MUC13: variants seen among roughly 807,000 people sequenced by gnomAD.
The protein encoded by MUC13 is mucin 13, cell surface associated.
MUC13 carries 32 observed loss-of-function variants against 48.3 expected under a neutral mutation model. The observed-to-expected ratio is 0.66, with a 90% CI of 0.50 to 0.89. The LOEUF is 0.89. Among genes scored for constraint, MUC13 ranks in the 40% least tolerant of loss-of-function variants. The pLI is 0.00. For missense variants in MUC13, 571 were observed against 622.8 expected, an observed-to-expected ratio of 0.92 and a Z score of 0.88; for synonymous variants, 199 against 224.9, an observed-to-expected ratio of 0.88 and a Z score of 1.03.
At chr3:124,929,124 G>C (rs1935748045) in intron 1 of MUC13, among the ~76,000 whole-genome samples, 1 of 151,874 alleles carries the variant, frequency 6.6e-6, no homozygotes, top group Admixed American at 6.6e-5. Context: ...TGGACACATG[G>C]AGTAGTAAAC....
At chr3:124,907,528 G>A (rs1449681680) in intron 11 of MUC13, among the ~76,000 whole-genome samples, 1 of 152,154 alleles carries the variant, frequency 6.6e-6, no homozygotes, top group Non-Finnish European at 1.5e-5. Context: ...TGAGGTAGGA[G>A]GATCACTTAA....
chr3:124,928,091 T>TC lies in MUC13; in HGVS notation c.53-99_53-98insG, dbSNP rs1052857554. On this transcript the variant is annotated intron_variant, in intron 1 of 11. Coordinates refer to ENST00000616727, the MANE Select transcript of MUC13 (RefSeq NM_033049.4). ...TCATATCCAACTCATTCTTTTTTTT[T>TC]TTTTTTTAGAGGTAGGGTTTCCCCA... 7.6e-6 allele frequency: 8 copies of TC among 1,055,686 alleles called. No individual in the cohort carries two copies. The African/African-American group carries it at 1.3e-4, about 17-fold the overall frequency. 65.4% of individuals were successfully genotyped at this position (1,055,686 alleles called of 1,614,324 possible).
chr3:124,934,503 T>C (rs754257325), intron 1 of MUC13, among the ~76,000 whole-genome samples, 158 bp downstream of exon 1: 27 of 152,230 alleles, frequency 1.8e-4, no homozygotes, highest in Non-Finnish European at 3.4e-4. Flanking sequence ...CATCACAGGA[T>C]AAAATGTCTG....
chr3:124,924,475 G>T (rs1935656338), intron 2 of MUC13, among the ~76,000 whole-genome samples: 1 of 152,172 alleles, frequency 6.6e-6, no homozygotes, highest in African/African-American at 2.4e-5. Context: ...TTATGTGTTT[G>T]ATAACCTTCA....
chr3:124,913,000 C>T, intron 8 of MUC13, 111 bp downstream of exon 8: 3 of 1,234,174 alleles, frequency 2.4e-6, no homozygotes, highest in Non-Finnish European at 2.2e-6. Flanking sequence ...CTCTACCAAC[C>T]TATGACAGCT....
At chr3:124,933,900 C>G (rs1474087007) in intron 1 of MUC13, among the ~76,000 whole-genome samples, 3 of 152,180 alleles carry the variant, frequency 2.0e-5, no homozygotes, top group Non-Finnish European at 4.4e-5. Context: ...GCCCATAGAA[C>G]CCTTCCTAAC....
At chr3:124,929,162 C>T (rs1935748645) in intron 1 of MUC13, among the ~76,000 whole-genome samples, 1 of 148,616 alleles carries the variant, frequency 6.7e-6, no homozygotes, top group South Asian at 2.1e-4. Context: ...CCATTTTCTT[C>T]CCCCACTCTT....
intron 3 of MUC13, 52 bp from the exon 4 acceptor site, chr3:124,922,355 T>C (rs1233452334): frequency 6.3e-7 from 1 of 1,580,304 alleles, no homozygotes; most frequent in Non-Finnish European, 8.6e-7. Context: ...GAGGGTCATT[T>C]CCATTTTGTT....
chr3:124,930,960 C>T (rs1459759023), intron 1 of MUC13, among the ~76,000 whole-genome samples: 5 of 151,986 alleles, frequency 3.3e-5, no homozygotes, highest in African/African-American at 7.3e-5. Flanking sequence ...AATGCTTGTG[C>T]GGGGGTTCTT....
chr3:124,927,447 C>T (rs2107673227), intron 2 of MUC13, 85 bp downstream of exon 2: 2 of 1,335,242 alleles, frequency 1.5e-6, no homozygotes, highest in East Asian at 4.6e-5. Context: ...GACCCATTTT[C>T]CTACCCCACC....
chr3:124,927,426 G>T, intron 2 of MUC13, 106 bp downstream of exon 2: 1 of 1,012,176 alleles, frequency 9.9e-7, no homozygotes, highest in Non-Finnish European at 1.5e-6. Context: ...AAGAAACCTT[G>T]GGCCTCTTTA....
At chr3:124,934,362 G>A (rs1162093743) in intron 1 of MUC13, among the ~76,000 whole-genome samples, 1 of 152,152 alleles carries the variant, frequency 6.6e-6, no homozygotes, top group Non-Finnish European at 1.5e-5. Context: ...GTTTCACCAT[G>A]TTGGCCAGGG....
intron 10 of MUC13, among the ~76,000 whole-genome samples, chr3:124,908,619 T>C (rs887960116): frequency 6.6e-6 from 1 of 152,154 alleles, no homozygotes; most frequent in African/African-American, 2.4e-5. Flanking sequence ...GCCCCACAAA[T>C]AATGAAATAA....
intron 5 of MUC13, among the ~76,000 whole-genome samples, chr3:124,917,991 T>C (rs1935535794): frequency 6.6e-6 from 1 of 152,160 alleles, no homozygotes. Context: ...TTGGAGCCAC[T>C]GCACACTTGA....
chr3:124,907,902 C>A (rs1935342794), intron 11 of MUC13, among the ~76,000 whole-genome samples: 2 of 152,004 alleles, frequency 1.3e-5, no homozygotes, highest in South Asian at 4.2e-4. Flanking sequence ...ATTAAGCTGA[C>A]CTTTTTACAG....
chr3:124,927,466 C>T (rs1935707704), intron 2 of MUC13, 66 bp downstream of exon 2: 11 of 1,498,596 alleles, frequency 7.3e-6, no homozygotes, highest in Non-Finnish European at 1.0e-5. Flanking sequence ...CCAGAACATA[C>T]CCACCTCCCT....
chr3:124,913,344 T>G, intron 7 of MUC13, 104 bp from the exon 8 acceptor site: 1 of 1,504,022 alleles, frequency 6.6e-7, no homozygotes, highest in Admixed American at 2.0e-5. Context: ...TTTTTCTAGG[T>G]AAAATGAGAT....
intron 1 of MUC13, among the ~76,000 whole-genome samples, chr3:124,930,708 C>T (rs911746212): frequency 2.6e-5 from 4 of 152,190 alleles, no homozygotes; most frequent in African/African-American, 9.7e-5. Flanking sequence ...CCATAATCAC[C>T]ACCCCTGTCC....
Position 124,920,224 on chromosome 3 carries a change from A to G in MUC13, c.800+10T>C. ...ACATCTGCCTCCAAAATTGTCCATA[A>G]CAAACTTACCTTACAGTAAGAATTA... is the stretch of plus-strand genomic sequence containing the variant. On this transcript the variant is annotated intron_variant, in intron 5 of 11. Transcript: ENST00000616727. The G allele has an allele frequency of 6.2e-7, 1 of 1,602,024 alleles. No individual in the cohort carries two copies. The highest frequency in any genetic ancestry group is 8.5e-7 in the Non-Finnish European group (1 of 1,172,470).
Sources: allele counts gnomAD v4.1 joint callset (sites outside exome capture counted in the v4.1 genomes callset), GRCh38; gene constraint gnomAD v4.1.1; transcripts MANE v1.5; gene names NCBI Gene and HGNC (gene_info 2026-07-23, HGNC 2026-07-21).